GOLGA8A: variants seen among roughly 807,000 people sequenced by gnomAD.
GOLGA8A encodes golgin A8 family member A.
Under a neutral mutation model 22.1 loss-of-function variants are expected in GOLGA8A, and 3 were observed. The observed-to-expected ratio is 0.14, with a 90% CI of 0.06 to 0.35. The LOEUF (loss-of-function observed/expected upper bound fraction) is 0.35. Among genes scored for constraint, GOLGA8A ranks in the 10% least tolerant of loss-of-function variants. GOLGA8A has a pLI of 1.00. For synonymous variants in GOLGA8A, 7 were observed against 91.7 expected, an observed-to-expected ratio of 0.08 and a Z score of 5.28; for missense variants, 16 against 233.2, an observed-to-expected ratio of 0.07 and a Z score of 6.07.
intron 1 of GOLGA8A, 67 bp downstream of exon 1, chr15:34,437,331 G>A (rs1184040757): frequency 7.0e-6 from 1 of 141,872 alleles, no homozygotes; most frequent in Non-Finnish European, 1.6e-5. Context: ...CCGGGTCCCC[G>A]CGGCGCCGCG....
At chr15:34,420,298 C>G (rs1331215212) in intron 2 of GOLGA8A, 2 of 144,354 alleles carry the variant, frequency 1.4e-5, no homozygotes, top group African/African-American at 2.6e-5. Flanking sequence ...AGTGGAGTGG[C>G]TTCATCAGGG....
In GOLGA8A at chr15:34,428,441, T is replaced by C. The variant is rs546063175; in HGVS notation, c.-1123+6942A>G. Among the ~76,000 whole-genome samples the C allele has an allele frequency of 7.6e-4, 113 of 148,352 alleles. 2 individuals are homozygous for C. The highest frequency in any genetic ancestry group is 9.7e-4 in the African/African-American group (39 of 40,210). On this transcript the variant is annotated intron_variant, in intron 2 of 24. Coordinates refer to ENST00000359187, the MANE Select transcript of GOLGA8A (RefSeq NM_181077.5). ...CCTAACAAGCAGCAGGCCTTTCCAG[T>C]TACAGCGCATGGAAGTAACAAAGGC...
At position 34,380,295 on chromosome 15, in the gene GOLGA8A, G is replaced by A. The variant is rs1002080096; in HGVS notation, c.*1116C>T. 2.2e-4 allele frequency: 33 copies of A among 152,190 alleles called. 1 individual carries two copies. The highest frequency in any genetic ancestry group is 5.2e-4 in the Admixed American group (8 of 15,282). 9.4% of individuals were successfully genotyped at this position (152,190 alleles called of 1,614,324 possible). A position where few individuals can be genotyped will look rare whatever the true frequency, so the allele number is the denominator to read the frequency against. On this transcript the variant is annotated 3_prime_UTR_variant, in exon 25 of 25. Transcript: ENST00000359187. ...GCCTCAAAGAAGCTCCATGAACAGA[G>A]AGGAATGCCAGGTGTCACACAGCTT...
At chr15:34,432,595 T>C (rs1206476061) in intron 2 of GOLGA8A, among the ~76,000 whole-genome samples, 4 of 149,452 alleles carry the variant, frequency 2.7e-5, no homozygotes, top group African/African-American at 9.9e-5. Flanking sequence ...AATTGCCCGA[T>C]GATGTGTGTT....
intron 2 of GOLGA8A, among the ~76,000 whole-genome samples, chr15:34,428,445 A>G (rs117083857): frequency 6.7e-6 from 1 of 148,602 alleles, no homozygotes; most frequent in East Asian, 2.0e-4. Context: ...TTCCAGTTAC[A>G]GCGCATGGAA....
intron 2 of GOLGA8A, among the ~76,000 whole-genome samples, chr15:34,423,427 T>C (rs1892859444): frequency 7.0e-6 from 1 of 142,380 alleles, no homozygotes; most frequent in South Asian, 2.4e-4. Context: ...TTAGCTGGTA[T>C]TGATAGCTGT....
chr15:34,425,463 T>TA (rs1207746748), intron 2 of GOLGA8A, among the ~76,000 whole-genome samples: 1 of 144,894 alleles, frequency 6.9e-6, no homozygotes, highest in South Asian at 2.4e-4. Context: ...GATGTAAATG[T>TA]AAAAAAATCG....
At chr15:34,434,346 C>A (rs1474435474) in intron 2 of GOLGA8A, among the ~76,000 whole-genome samples, 1 of 149,678 alleles carries the variant, frequency 6.7e-6, no homozygotes, top group Non-Finnish European at 1.5e-5. Flanking sequence ...GGAAACCTCA[C>A]AGCCGGCACA....
chr15:34,431,343 A>ATATC (rs1231384010), intron 2 of GOLGA8A, among the ~76,000 whole-genome samples: 2 of 119,308 alleles, frequency 1.7e-5, no homozygotes, highest in African/African-American at 3.2e-5. Context: ...ATATATATAT[A>ATATC]TATCTCACAC....
At chr15:34,431,408 A>G (rs1255177243) in intron 2 of GOLGA8A, among the ~76,000 whole-genome samples, 1 of 143,638 alleles carries the variant, frequency 7.0e-6, no homozygotes, top group Non-Finnish European at 1.5e-5. Context: ...TATATCACAC[A>G]CACACTCATG....
At chr15:34,400,913 G>A (rs1185380433) in intron 5 of GOLGA8A, among the ~76,000 whole-genome samples, 154 bp from the exon 6 acceptor site, 1 of 75,720 alleles carries the variant, frequency 1.3e-5, no homozygotes, top group Non-Finnish European at 3.0e-5. Flanking sequence ...GTACAAGAAA[G>A]TATTCTTTTA....
chr15:34,424,397 A>G (rs1351523224), intron 2 of GOLGA8A, among the ~76,000 whole-genome samples: 1 of 140,148 alleles, frequency 7.1e-6, no homozygotes, highest in Non-Finnish European at 1.6e-5. Context: ...ATAACAAAAA[A>G]GAAAGGTCGA....
In GOLGA8A at chr15:34,436,205, C is replaced by A. The variant is rs916872146; in HGVS notation, c.-1211-734G>T. 2.0e-5 allele frequency among the ~76,000 whole-genome samples: 3 copies of A among 149,488 alleles called. 1 individual carries two copies. The highest frequency in any genetic ancestry group is 4.5e-5 in the Non-Finnish European group (3 of 67,204). ...CAGGCTCCTGGCACCTGCCAACCTGCACCTTAGGAAAACTTGTCCCACTTC... is the reference window on the plus strand; with the variant it reads ...CAGGCTCCTGGCACCTGCCAACCTGAACCTTAGGAAAACTTGTCCCACTTC... On this transcript the variant is annotated intron_variant, in intron 1 of 24. Transcript: ENST00000359187.
intron 1 of GOLGA8A, among the ~76,000 whole-genome samples, 171 bp downstream of exon 1, chr15:34,437,227 G>A (rs1397278647): frequency 6.8e-6 from 1 of 146,616 alleles, no homozygotes; most frequent in Non-Finnish European, 1.5e-5. Context: ...TGCACCCCTA[G>A]ATCCCAGCGG....
In GOLGA8A at chr15:34,437,383, G is replaced by A. The variant is rs1423811204; in HGVS notation, c.-1212+15C>T. Reference sequence around the variant, plus strand: ...CGCCGCCAGCGAGTCAGGCAGCCGAGGTTCCCCAGCTTACCTGGCCAGGGC... The same window carrying A: ...CGCCGCCAGCGAGTCAGGCAGCCGAAGTTCCCCAGCTTACCTGGCCAGGGC... On this transcript the variant is annotated intron_variant, in intron 1 of 24. Transcript: ENST00000359187. 1 of 142,242 alleles carries A rather than the reference G, an allele frequency of 7.0e-6. No homozygotes were observed. The allele number at this position is 142,242 out of a possible 1,614,324, so 8.8% of individuals were successfully genotyped here. A position where few individuals can be genotyped will look rare whatever the true frequency, so the allele number is the denominator to read the frequency against.
At chr15:34,421,728 G>A (rs1338573669) in intron 2 of GOLGA8A, among the ~76,000 whole-genome samples, 1 of 138,006 alleles carries the variant, frequency 7.2e-6, no homozygotes, top group Non-Finnish European at 1.6e-5. Context: ...ATCCCAAACT[G>A]GAAGGAAGGA....
chr15:34,431,972 C>A (rs72722560), intron 2 of GOLGA8A, among the ~76,000 whole-genome samples: 1 of 148,544 alleles, frequency 6.7e-6, no homozygotes, highest in South Asian at 2.2e-4. Context: ...AACTGAAAAT[C>A]CTAAATGTCA....
At chr15:34,430,446 A>T (rs1326950982) in intron 2 of GOLGA8A, among the ~76,000 whole-genome samples, 2 of 149,016 alleles carry the variant, frequency 1.3e-5, no homozygotes, top group Non-Finnish European at 3.0e-5. Flanking sequence ...ACTTCACCCA[A>T]TGCCATTCCC....
At chr15:34,432,109 T>C (rs778676493) in intron 2 of GOLGA8A, among the ~76,000 whole-genome samples, 1 of 149,330 alleles carries the variant, frequency 6.7e-6, no homozygotes, top group Non-Finnish European at 1.5e-5. Context: ...AGAATCCATG[T>C]TGGCTTCAAG....
Sources: allele counts gnomAD v4.1 joint callset (sites outside exome capture counted in the v4.1 genomes callset), GRCh38; gene constraint gnomAD v4.1.1; transcripts MANE v1.5; gene names NCBI Gene and HGNC (gene_info 2026-07-23, HGNC 2026-07-21).